The following SHPRH variants were observed in gnomAD, a reference collection of about 807,000 sequenced individuals.
SHPRH encodes the protein SNF2 histone linker PHD RING helicase, also known as E3 ubiquitin-protein ligase SHPRH.
Under a neutral mutation model 202.5 loss-of-function variants are expected in SHPRH, and 106 were observed. The observed-to-expected ratio is 0.52, with a 90% CI of 0.45 to 0.62. The LOEUF (loss-of-function observed/expected upper bound fraction) is 0.62. Among genes scored for constraint, SHPRH ranks in the 20% least tolerant of loss-of-function variants. The probability of loss-of-function intolerance (pLI) is 0.00; values close to 1 mark genes in which losing one functional copy is unlikely to be tolerated. For missense variants in SHPRH, 1,710 were observed against 2,020.0 expected (o/e 0.85, Z 2.94); for synonymous variants, 729 against 686.0 (o/e 1.06, Z -0.98).
chr6:145,887,834 T>C (rs1781213350), intron 29 of SHPRH, among the ~76,000 whole-genome samples, 186 bp downstream of exon 29: 1 of 152,166 alleles, frequency 6.6e-6, no homozygotes, highest in African/African-American at 2.4e-5. Context: ...AATTAATAAA[T>C]TAATTCAAAT....
intron 24 of SHPRH, 106 bp from the exon 25 acceptor site, chr6:145,910,742 T>C (rs1478134725): frequency 1.8e-6 from 2 of 1,108,008 alleles, no homozygotes; most frequent in Non-Finnish European, 1.2e-6. Context: ...TTTCATAACA[T>C]TAATATTCTT....
chr6:145,888,393 G>T (rs1055824971), intron 28 of SHPRH, among the ~76,000 whole-genome samples: 2 of 152,096 alleles, frequency 1.3e-5, no homozygotes, highest in South Asian at 4.1e-4. Flanking sequence ...AGGCCAGTAG[G>T]CAAAGGAGGA....
downstream of SHPRH, chr6:145,883,945 G>T (rs1780777005): frequency 6.6e-6 from 1 of 152,128 alleles, no homozygotes; most frequent in Non-Finnish European, 1.5e-5. Context: ...ATTCAGCACG[G>T]TGATCTCTGC....
chr6:145,908,768 T>C (rs1003736795), intron 25 of SHPRH: 4 of 152,302 alleles, frequency 2.6e-5, no homozygotes, highest in African/African-American at 9.6e-5. Context: ...ATTCCCTTTG[T>C]CAATTTTGGC....
At chr6:145,939,711 T>C (rs939728372) in intron 11 of SHPRH, among the ~76,000 whole-genome samples, 2 of 152,168 alleles carry the variant, frequency 1.3e-5, no homozygotes, top group Admixed American at 6.5e-5. Context: ...CGTAATATTA[T>C]TCTATAAATA....
intron 2 of SHPRH, among the ~76,000 whole-genome samples, chr6:145,865,693 C>G (rs1025278463): frequency 6.6e-6 from 1 of 152,170 alleles, no homozygotes; most frequent in Non-Finnish European, 1.5e-5. Context: ...GGAGCTGTGC[C>G]TCAGTATGGG....
chr6:145,945,305 GGT>G (rs1787247692), intron 8 of SHPRH, 74 bp downstream of exon 8: 1 of 1,436,082 alleles, frequency 7.0e-7, no homozygotes, highest in Admixed American at 2.5e-5. Flanking sequence ...TCAGTTTCAA[GGT>G]GGGATCTGTC....
At chr6:145,880,036 T>A (rs2128698945), downstream of SHPRH, among the ~76,000 whole-genome samples, 1 of 150,314 alleles carries the variant, frequency 6.7e-6, no homozygotes, top group Non-Finnish European at 1.5e-5. Flanking sequence ...AAAACAAACA[T>A]GAAAATATTG....
At chr6:145,883,813 T>TA (rs530914619), downstream of SHPRH, 75 of 152,292 alleles carry the variant, frequency 4.9e-4, no homozygotes, top group African/African-American at 1.7e-3. Flanking sequence ...TTTTTTTTTT[T>TA]ACATTCCATT....
chr6:145,867,929 T>G (rs1779879538), intron 2 of SHPRH, among the ~76,000 whole-genome samples: 1 of 152,044 alleles, frequency 6.6e-6, no homozygotes, highest in Admixed American at 6.5e-5. Flanking sequence ...TCTTCTAGAC[T>G]AAAAACAAAA....
intron 21 of SHPRH, among the ~76,000 whole-genome samples, chr6:145,920,905 T>G (rs1015780358): frequency 6.6e-6 from 1 of 152,070 alleles, no homozygotes; most frequent in African/African-American, 2.4e-5. Context: ...ATGAACACAC[T>G]TTCACGGCTA....
intron 11 of SHPRH, among the ~76,000 whole-genome samples, chr6:145,939,701 C>G (rs1786532355): frequency 6.6e-6 from 1 of 151,932 alleles, no homozygotes; most frequent in African/African-American, 2.4e-5. Context: ...CTTTACTGAA[C>G]GTAATATTAT....
intron 13 of SHPRH, 131 bp downstream of exon 13, chr6:145,934,776 C>A: frequency 1.2e-6 from 1 of 811,226 alleles, no homozygotes; most frequent in Non-Finnish European, 1.8e-6. Context: ...AGCTTCCATA[C>A]CAAAGAAAAC....
rs1187762564 is a variant in SHPRH at position 145,885,081 on chromosome 6, G to A, written c.*1610C>T. The stretch of plus-strand genomic sequence containing the variant: ...TTAGTAAAAGAATGTAAGATATGGA[G>A]TCAGGGGACCTGGGCTCCACTGTTT... On this transcript the variant is annotated 3_prime_UTR_variant, in exon 30 of 30. Transcript: ENST00000275233. 9 of 152,134 alleles carry A rather than the reference G, an allele frequency of 5.9e-5. No homozygotes were observed. The highest frequency in any genetic ancestry group is 7.4e-5 in the Non-Finnish European group (5 of 68,014). 9.4% of individuals were successfully genotyped at this position (152,134 alleles called of 1,614,324 possible).
chr6:145,954,638 G>A, intron 2 of SHPRH, 52 bp downstream of exon 2: 1 of 1,505,076 alleles, frequency 6.6e-7, no homozygotes, highest in South Asian at 1.4e-5. Flanking sequence ...ATTTAAAATT[G>A]GACTGCCAAT....
intron 25 of SHPRH, 97 bp downstream of exon 25, chr6:145,910,351 T>A: frequency 7.2e-7 from 1 of 1,389,856 alleles, no homozygotes; most frequent in Non-Finnish European, 9.9e-7. Context: ...CTATTCACTG[T>A]CAAGCTTGTT....
chr6:145,858,327 A>G, the SHPRH span, among the ~76,000 whole-genome samples: 10 of 152,150 alleles, frequency 6.6e-5, no homozygotes, highest in Non-Finnish European at 1.5e-4. Flanking sequence ...TCAACAGATG[A>G]ATGAATAAAT....
intron 14 of SHPRH, among the ~76,000 whole-genome samples, chr6:145,931,890 CTTTT>C (rs55660510): frequency 6.9e-6 from 1 of 144,046 alleles, no homozygotes; most frequent in African/African-American, 2.6e-5. Context: ...CAATATATTT[CTTTT>C]TTTTTTTTTT....
At chr6:145,931,218 C>T (rs1785405944) in intron 14 of SHPRH, among the ~76,000 whole-genome samples, 1 of 152,028 alleles carries the variant, frequency 6.6e-6, no homozygotes, top group Non-Finnish European at 1.5e-5. Flanking sequence ...GATATTTAGA[C>T]CATTTCAGTT....
Sources: allele counts gnomAD v4.1 joint callset (sites outside exome capture counted in the v4.1 genomes callset), GRCh38; gene constraint gnomAD v4.1.1; transcripts MANE v1.5; gene names NCBI Gene and HGNC (gene_info 2026-07-23, HGNC 2026-07-21).